The following RREB1 variants were observed in gnomAD, a reference collection of about 807,000 sequenced individuals.
RREB1 encodes the protein ras responsive element binding protein 1.
Under a neutral mutation model 117.8 loss-of-function variants are expected in RREB1, and 27 were observed. The ratio of observed to expected loss-of-function variants is 0.23; its 90% confidence interval spans 0.17 to 0.32. RREB1 has a LOEUF of 0.32. RREB1 is among the 10% of genes least tolerant of loss of function. The pLI is 1.00. For missense variants in RREB1, 2,577 were observed against 2,378.2 expected (o/e 1.08, Z -1.74); for synonymous variants, 1,298 against 1,026.7 (o/e 1.26, Z -5.05).
At position 7,225,017 on chromosome 6, in the gene RREB1, CGGCACATACT is replaced by C. The variant is rs1435868225; in HGVS notation, c.708-1444_708-1435del. Among the ~76,000 whole-genome samples the C allele has an allele frequency of 6.6e-5, 10 of 152,256 alleles. 1 individual carries two copies. The South Asian group carries it at 1.7e-3, about 25-fold the overall frequency. ...CTACAGCGCGATAAGGCAAGCAGGG[CGGCACATACT>C]GGCACTTCTTCCTTTCAGTGCTTCC... On this transcript the variant is annotated intron_variant, in intron 8 of 12. Coordinates refer to ENST00000379938, the MANE Select transcript of RREB1 (RefSeq NM_001003699.4).
chr6:7,210,952 C>G lies in RREB1; in HGVS notation c.570+4C>G, dbSNP rs762263809. 18 of 1,612,612 alleles carry G rather than the reference C, an allele frequency of 1.1e-5. No individual in the cohort carries two copies. In the East Asian group the frequency reaches 3.8e-4, roughly 34 times the overall value. ...AGACCCAGCACCAGCTAAAAAGGTC[C>G]TCTTGGCTCCCAGTGCAGATTCACC... On this transcript the variant is annotated splice_donor_region_variant and intron_variant, in intron 7 of 12. Transcript: ENST00000379938.
At chr6:7,197,938 A>G (rs1765750923) in intron 6 of RREB1, among the ~76,000 whole-genome samples, 1 of 152,232 alleles carries the variant, frequency 6.6e-6, no homozygotes, top group African/African-American at 2.4e-5. Flanking sequence ...TGCTACTCTA[A>G]GATGCTTAGG....
intron 7 of RREB1, among the ~76,000 whole-genome samples, 185 bp downstream of exon 7, chr6:7,211,133 C>A (rs1289493213): frequency 6.6e-6 from 1 of 152,216 alleles, no homozygotes; most frequent in Admixed American, 6.5e-5. Flanking sequence ...CCTCTTGAGC[C>A]CCTCTGCTGA....
intron 6 of RREB1, among the ~76,000 whole-genome samples, chr6:7,201,910 C>T (rs746295840): frequency 6.6e-6 from 1 of 152,174 alleles, no homozygotes; most frequent in Non-Finnish European, 1.5e-5. Context: ...GTTCCTCCCT[C>T]GACATCTCTG....
At chr6:7,228,969 C>T (rs1767746305) in intron 9 of RREB1, 28 bp from the exon 10 acceptor site, 1 of 1,478,962 alleles carries the variant, frequency 6.8e-7, no homozygotes, top group Non-Finnish European at 9.0e-7. Flanking sequence ...CATGTGTTCC[C>T]TTGCTTTTAC....
intron 2 of RREB1, among the ~76,000 whole-genome samples, chr6:7,178,081 A>T (rs1457312857): frequency 6.6e-6 from 1 of 151,956 alleles, no homozygotes; most frequent in Non-Finnish European, 1.5e-5. Context: ...GCTTGTCTCA[A>T]ATTCCTGGCC....
At chr6:7,225,037 T>A (rs1450478450) in intron 8 of RREB1, among the ~76,000 whole-genome samples, 7 of 152,178 alleles carry the variant, frequency 4.6e-5, no homozygotes, top group African/African-American at 1.7e-4. Context: ...TGGCACTTCT[T>A]CCTTTCAGTG....
intron 4 of RREB1, chr6:7,183,383 A>G (rs1055695185): frequency 6.6e-6 from 1 of 152,234 alleles, no homozygotes; most frequent in Non-Finnish European, 1.5e-5. Context: ...CCCATTGGAC[A>G]ATATGTACCC....
intron 6 of RREB1, among the ~76,000 whole-genome samples, chr6:7,193,405 A>T (rs1765511518): frequency 6.6e-6 from 1 of 152,108 alleles, no homozygotes. Context: ...ATTTATTTTT[A>T]TGTACTCTGC....
intron 8 of RREB1, chr6:7,216,585 TC>T (rs1766911707): frequency 1.3e-5 from 2 of 152,392 alleles, no homozygotes; most frequent in Non-Finnish European, 2.9e-5. Context: ...TCTCCACTGT[TC>T]CAAGGAATGT....
At chr6:7,143,455 A>T (rs1247856887) in intron 1 of RREB1, among the ~76,000 whole-genome samples, 2 of 152,200 alleles carry the variant, frequency 1.3e-5, no homozygotes, top group Non-Finnish European at 1.5e-5. Context: ...GGGGAGGTGC[A>T]TGTTCTGGTT....
intron 3 of RREB1, 173 bp from the exon 4 acceptor site, chr6:7,181,697 G>T: frequency 1.6e-6 from 1 of 643,390 alleles, no homozygotes; most frequent in Non-Finnish European, 2.7e-6. Context: ...CCAAGACTTG[G>T]TTTAAATGAA....
intron 1 of RREB1, among the ~76,000 whole-genome samples, chr6:7,127,883 A>AC (rs983451152): frequency 2.6e-5 from 4 of 151,374 alleles, no homozygotes; most frequent in African/African-American, 7.3e-5. Flanking sequence ...GCTTGGATCC[A>AC]CCCCCTTCAC....
intron 1 of RREB1, among the ~76,000 whole-genome samples, chr6:7,164,256 T>C (rs1324512491): frequency 6.6e-6 from 1 of 152,224 alleles, no homozygotes; most frequent in Non-Finnish European, 1.5e-5. Flanking sequence ...CTTTTCGCCA[T>C]GGCCTTCCCT....
At chr6:7,187,125 C>T (rs1471053933) in intron 4 of RREB1, among the ~76,000 whole-genome samples, 2 of 152,172 alleles carry the variant, frequency 1.3e-5, no homozygotes, top group Non-Finnish European at 2.9e-5. Context: ...TAAGTGGTGT[C>T]TGTGTAATTA....
At chr6:7,201,589 C>T (rs867481519) in intron 6 of RREB1, among the ~76,000 whole-genome samples, 11 of 145,200 alleles carry the variant, frequency 7.6e-5, no homozygotes, top group Non-Finnish European at 1.2e-4. Context: ...GGATCCTCAT[C>T]TCACCTTTGG....
intron 1 of RREB1, among the ~76,000 whole-genome samples, chr6:7,168,760 C>G (rs892190277): frequency 3.3e-5 from 5 of 152,204 alleles, no homozygotes; most frequent in African/African-American, 4.8e-5. Flanking sequence ...TTTCCCAATC[C>G]TCTAGCTTGC....
At chr6:7,157,566 T>G (rs1217005943) in intron 1 of RREB1, among the ~76,000 whole-genome samples, 1 of 151,350 alleles carries the variant, frequency 6.6e-6, no homozygotes, top group East Asian at 1.9e-4. Context: ...AGCCCAGGAG[T>G]TCGAGACCAG....
chr6:7,165,939 T>A (rs566255294), intron 1 of RREB1, among the ~76,000 whole-genome samples: 2 of 152,252 alleles, frequency 1.3e-5, no homozygotes, highest in South Asian at 4.1e-4. Context: ...AACCCACACT[T>A]AAGAGCCTGG....
Sources: allele counts gnomAD v4.1 joint callset (sites outside exome capture counted in the v4.1 genomes callset), GRCh38; gene constraint gnomAD v4.1.1; transcripts MANE v1.5; gene names NCBI Gene and HGNC (gene_info 2026-07-23, HGNC 2026-07-21).